The following SYNE2 variants were observed in gnomAD, a reference collection of about 807,000 sequenced individuals.
SYNE2 encodes the protein spectrin repeat containing nuclear envelope protein 2.
SYNE2 carries 431 observed loss-of-function variants against 856.3 expected under a neutral mutation model. The ratio of observed to expected loss-of-function variants is 0.50; its 90% CI spans 0.47 to 0.55. The LOEUF (loss-of-function observed/expected upper bound fraction) is 0.55. SYNE2 is among the 20% of genes least tolerant of loss of function. SYNE2 has a pLI of 0.00. For missense variants in SYNE2, 8,129 were observed against 8,023.2 expected, an observed-to-expected ratio of 1.01 and a Z score of -0.50; for synonymous variants, 2,923 against 2,872.3, an observed-to-expected ratio of 1.02 and a Z score of -0.56.
chr14:64,065,712 ACTTT>A lies in SYNE2; in HGVS notation c.10431+64_10431+67del, dbSNP rs564364147. 282 of 1,569,066 alleles carry A rather than the reference ACTTT, an allele frequency of 1.8e-4. 1 individual carries two copies. The African/African-American group carries it at 3.5e-3, about 19-fold the overall frequency. On this transcript the variant is annotated intron_variant, in intron 51 of 115. Coordinates refer to ENST00000555002, the MANE Select transcript of SYNE2 (RefSeq NM_182914.3). ...AACATGTTATTTAAATTGTTTTATTACTTTCACCTTGTTTTTCTATAAAACGAGT... is the reference window on the plus strand; with the variant it reads ...AACATGTTATTTAAATTGTTTTATTACACCTTGTTTTTCTATAAAACGAGT...
At chr14:64,050,450 T>G (rs2097217227) in intron 47 of SYNE2, among the ~76,000 whole-genome samples, 2 of 152,248 alleles carry the variant, frequency 1.3e-5, no homozygotes, top group African/African-American at 2.4e-5. Context: ...GAGTAATTTA[T>G]GAAACAATTC....
intron 99 of SYNE2, among the ~76,000 whole-genome samples, chr14:64,193,207 C>A (rs755091717): frequency 6.6e-6 from 1 of 152,212 alleles, no homozygotes; most frequent in Non-Finnish European, 1.5e-5. Context: ...TCCATCCTTC[C>A]CACAGTATTC....
chr14:64,080,713 A>C, intron 56 of SYNE2, 75 bp downstream of exon 56: 1 of 1,553,518 alleles, frequency 6.4e-7, no homozygotes, highest in East Asian at 2.3e-5. Context: ...CAATATATTC[A>C]GAAACAGTCA....
At position 64,185,000 on chromosome 14, in the gene SYNE2, C is replaced by A. The variant is rs573530352; in HGVS notation, c.17557-1424C>A. 3.9e-5 allele frequency among the ~76,000 whole-genome samples: 6 copies of A among 152,350 alleles called. No homozygotes were observed. The South Asian group carries it at 6.2e-4, about 16-fold the overall frequency. ...GCAGGGCATGGTGGCTCGCCCTTGT[C>A]ATCCCCACACTTCAGGGGGCTGAGG... On this transcript the variant is annotated intron_variant, in intron 96 of 115. Transcript: ENST00000555002.
chr14:64,158,936 C>T (rs1255712718), intron 86 of SYNE2, 141 bp downstream of exon 86: 2 of 943,452 alleles, frequency 2.1e-6, no homozygotes, highest in Non-Finnish European at 3.3e-6. Flanking sequence ...AAAAGAATAA[C>T]TGGAAATTCC....
At chr14:64,037,683 GCC>G (rs1567120038) in intron 45 of SYNE2, among the ~76,000 whole-genome samples, 2 of 16,404 alleles carry the variant, frequency 1.2e-4, no homozygotes, top group African/African-American at 2.1e-4. Flanking sequence ...GGGCAGAGGG[GCC>G]CCTCACTTCC....
chr14:64,020,324 A>T (rs529422207), intron 35 of SYNE2, among the ~76,000 whole-genome samples: 217 of 152,280 alleles, frequency 1.4e-3, no homozygotes, highest in Admixed American at 2.4e-3. Context: ...ATAGCAAAAA[A>T]ATTTCATAAT....
At chr14:63,868,288 A>C (rs1252475147) in intron 1 of SYNE2, among the ~76,000 whole-genome samples, 3 of 152,130 alleles carry the variant, frequency 2.0e-5, no homozygotes, top group African/African-American at 4.8e-5. Flanking sequence ...AAGCCTGAGT[A>C]ACATGGCAAA....
At chr14:64,035,417 G>T (rs1022185296) in intron 45 of SYNE2, among the ~76,000 whole-genome samples, 11 of 151,494 alleles carry the variant, frequency 7.3e-5, no homozygotes, top group African/African-American at 2.7e-4. Flanking sequence ...TGTCCTACTT[G>T]CCCTTTCTGG....
chr14:64,209,375 A>G, intron 101 of SYNE2, 53 bp from the exon 102 acceptor site: 2 of 1,614,032 alleles, frequency 1.2e-6, no homozygotes, highest in Non-Finnish European at 1.7e-6. Flanking sequence ...AAGAAGTGCA[A>G]AAGCACAGGC....
chr14:63,991,323 CT>C (rs2153486242), intron 21 of SYNE2, among the ~76,000 whole-genome samples: 1 of 152,180 alleles, frequency 6.6e-6, no homozygotes, highest in East Asian at 1.9e-4. Flanking sequence ...TGTGGATCTG[CT>C]GAATGTACTC....
Position 64,216,336 on chromosome 14 carries a change from G to C in SYNE2, c.19491G>C (p.Arg6497Ser). 3 of 1,614,190 alleles carry C rather than the reference G, an allele frequency of 1.9e-6. No homozygotes were observed. The South Asian group carries it at 3.3e-5, about 18-fold the overall frequency. ...ACTACAAGCAAATGGAAGGTGACAG[G>C]AATGTTCCACCTGTTCCCCCTGCGT... ...EHHYKQMEGD[R>S]NVPPVPPASS... Residue 6497 changes from arginine (R) to serine (S), a missense_variant, in exon 108 of 116, where the codon AGG (arginine) becomes AGC (serine). Arg to Ser is a moderately radical substitution (Grantham distance 110, BLOSUM62 -1). This residue lies in a region of SYNE2 where 5,410 missense variants were observed against 5,284.8 expected (regional missense o/e 1.02). Coordinates refer to ENST00000555002, the MANE Select transcript of SYNE2 (RefSeq NM_182914.3).
chr14:64,002,838 T>C lies in SYNE2; in HGVS notation c.3905T>C (p.Leu1302Pro), dbSNP rs778076791. 1 of 1,614,172 alleles carries C rather than the reference T, an allele frequency of 6.2e-7. No individual in the cohort carries two copies. The highest frequency in any genetic ancestry group is 1.1e-5 in the South Asian group (1 of 91,078). The change falls in exon 30 of 116, where the codon CTG becomes CCG. Residue 1302 changes from leucine (L) to proline (P), a missense_variant. Coordinates refer to ENST00000555002, the MANE Select transcript of SYNE2 (RefSeq NM_182914.3). ...CTACACGCAATGCAGAATATTATACTGAAATACAAAACACAATTTGAAGGA... is the reference window on the plus strand; with the variant it reads ...CTACACGCAATGCAGAATATTATACCGAAATACAAAACACAATTTGAAGGA... ...FDLHAMQNII[L>P]KYKTQFEGMN...
Position 64,053,078 on chromosome 14 carries a change from G to A in SYNE2, c.9165G>A (p.Met3055Ile). 1 of 1,614,074 alleles carries A rather than the reference G, an allele frequency of 6.2e-7. No individual in the cohort carries two copies. Among genetic ancestry groups the A allele is most frequent in the Non-Finnish European group, 8.5e-7 (1 of 1,180,004 alleles). Reference protein sequence around the residue: ...HGKYQALLSKMRAIDLQIKKM... With the variant: ...HGKYQALLSKIRAIDLQIKKM... ...AATATCAGGCATTATTAAGTAAAAT[G>A]AGAGCTATTGATTTGCAAATTAAGA... Residue 3055 changes from methionine to isoleucine, a missense_variant, in exon 48 of 116, where the codon ATG becomes ATA. Met to Ile is a conservative substitution (Grantham distance 10). Around this residue, in one of 3 missense-constraint regions of SYNE2, gnomAD observed 5,410 missense variants for 5,284.8 expected, o/e 1.02. Coordinates refer to ENST00000555002, the MANE Select transcript of SYNE2 (RefSeq NM_182914.3).
chr14:64,110,588 A>ACACCCC (rs1292783339), intron 65 of SYNE2, among the ~76,000 whole-genome samples: 1 of 75,388 alleles, frequency 1.3e-5, no homozygotes, highest in African/African-American at 5.7e-5. Context: ...TACTTTTTAC[A>ACACCCC]CCCCCCCCCC....
At chr14:63,861,128 T>A (rs1013997644) in intron 1 of SYNE2, among the ~76,000 whole-genome samples, 1 of 149,416 alleles carries the variant, frequency 6.7e-6, no homozygotes. Flanking sequence ...TTAAGAAATG[T>A]GATATTTACC....
intron 1 of SYNE2, chr14:63,864,271 T>G (rs2140237186): frequency 6.6e-6 from 1 of 152,356 alleles, no homozygotes; most frequent in African/African-American, 2.4e-5. Flanking sequence ...TAAGTTACCT[T>G]TGTAGTCTTT....
chr14:63,943,151 C>A (rs1172119726), intron 6 of SYNE2, among the ~76,000 whole-genome samples: 1 of 152,220 alleles, frequency 6.6e-6, no homozygotes, highest in Non-Finnish European at 1.5e-5. Flanking sequence ...CCTGTCCTAT[C>A]TGACTGTGAA....
At chr14:64,129,228 G>A (rs911782578) in intron 74 of SYNE2, among the ~76,000 whole-genome samples, 2 of 152,240 alleles carry the variant, frequency 1.3e-5, no homozygotes, top group African/African-American at 4.8e-5. Flanking sequence ...AATTGCTTGA[G>A]CTTGGGGGGC....
Sources: gnomAD v4.1 joint callset for allele counts (sites outside exome capture counted in the v4.1 genomes callset) on GRCh38, gnomAD v4.1.1 for gene constraint, gnomAD v4.1.1 regional missense constraint, MANE v1.5 for transcripts, NCBI Gene and HGNC (gene_info 2026-07-23, HGNC 2026-07-21) for gene names.